The following CCNI2 variants were observed in gnomAD, a reference collection of about 807,000 sequenced individuals.
CCNI2 encodes the protein cyclin-I2.
In CCNI2, 32 loss-of-function variants were observed where a neutral mutation model predicts 33.2. The ratio of observed to expected loss-of-function variants is 0.96; its 90% CI spans 0.73 to 1.30. CCNI2 has a LOEUF of 1.30. CCNI2 is among the 50% of genes most tolerant of loss of function. CCNI2 has a pLI of 0.00. For synonymous variants in CCNI2, 231 were observed against 219.9 expected (o/e 1.05, Z -0.45); for missense variants, 452 against 486.2 (o/e 0.93, Z 0.66).
chr5:132,749,227 G>T, intron 2 of CCNI2, 121 bp from the exon 3 acceptor site: 2 of 761,802 alleles, frequency 2.6e-6, no homozygotes, highest in Non-Finnish European at 4.4e-6. Flanking sequence ...CTGCACTCCA[G>T]CCTGGGCAAC....
chr5:132,748,286 T>G (rs1754670479), intron 1 of CCNI2, 61 bp from the exon 2 acceptor site: 4 of 1,595,768 alleles, frequency 2.5e-6, no homozygotes, highest in Non-Finnish European at 3.4e-6. Flanking sequence ...CTCCTGCTGC[T>G]GGGGGACCAG....
At chr5:132,748,875 G>C (rs1754685397) in intron 2 of CCNI2, among the ~76,000 whole-genome samples, 1 of 152,202 alleles carries the variant, frequency 6.6e-6, no homozygotes, top group Admixed American at 6.5e-5. Flanking sequence ...GAAATCAGGA[G>C]CATCTTCGTT....
downstream of CCNI2, among the ~76,000 whole-genome samples, chr5:132,754,969 C>G (rs2149949789): frequency 6.6e-6 from 1 of 152,318 alleles, no homozygotes; most frequent in Middle Eastern, 3.4e-3. Flanking sequence ...ATAGACCTGT[C>G]TTAAACTTGT....
chr5:132,753,527 A>G lies in CCNI2; in HGVS notation c.*557A>G, dbSNP rs985792148. 6.5e-6 allele frequency: 1 copy of G among 154,120 alleles called. No homozygotes were observed. The highest frequency in any genetic ancestry group is 2.4e-5 in the African/African-American group (1 of 41,488). 9.5% of individuals were successfully genotyped at this position (154,120 alleles called of 1,614,324 possible). ...CAGATGCATTTACCCAACCATGGCT[A>G]TGACTTATGTCTTCCCTTTACAAGG... is the stretch of plus-strand genomic sequence containing the variant. On this transcript the variant is annotated 3_prime_UTR_variant, in exon 6 of 6. Coordinates refer to ENST00000378731, the MANE Select transcript of CCNI2 (RefSeq NM_001039780.4).
At position 132,748,447 on chromosome 5, in the gene CCNI2, T is replaced by A. The variant is rs750476771; in HGVS notation, c.530T>A (p.Ile177Asn). 6.2e-7 allele frequency: 1 copy of A among 1,614,156 alleles called. No homozygotes were observed. The highest frequency in any genetic ancestry group is 2.2e-5 in the East Asian group (1 of 44,868). ...SQSTFNLALTIFGRLLISVKV... is the reference protein window; with the variant it reads ...SQSTFNLALTNFGRLLISVKV... Reference sequence around the variant, plus strand: ...TCCACTTTTAACCTGGCCCTCACCATCTTTGGCCGCCTCCTGATTTCAGTG... The same window carrying A: ...TCCACTTTTAACCTGGCCCTCACCAACTTTGGCCGCCTCCTGATTTCAGTG... Residue 177 changes from isoleucine to asparagine, a missense_variant, in exon 2 of 6, where the codon ATC becomes AAC. Coordinates refer to ENST00000378731, the MANE Select transcript of CCNI2 (RefSeq NM_001039780.4).
Position 132,753,267 on chromosome 5 carries a change from T to C in CCNI2, c.*297T>C. ...TGAATGTTCAAATGGCAGCTTGTTT[T>C]ACCTTCCTTCTCCAGCAAGGGTTGG... On this transcript the variant is annotated 3_prime_UTR_variant, in exon 6 of 6. Coordinates refer to ENST00000378731, the MANE Select transcript of CCNI2 (RefSeq NM_001039780.4). 2.8e-6 allele frequency: 1 copy of C among 357,874 alleles called. No individual in the cohort carries two copies. The highest frequency in any genetic ancestry group is 3.9e-5 in the Admixed American group (1 of 25,758). The allele number at this position is 357,874 out of a possible 1,614,324, so 22.2% of individuals were successfully genotyped here.
At chr5:132,751,198 C>G in intron 4 of CCNI2, 2 of 493,708 alleles carry the variant, frequency 4.1e-6, no homozygotes, top group Non-Finnish European at 6.9e-6. Flanking sequence ...ACTCCCACTT[C>G]TAAAGGACAT....
chr5:132,755,027 T>C (rs1429872031), downstream of CCNI2, among the ~76,000 whole-genome samples: 1 of 152,070 alleles, frequency 6.6e-6, no homozygotes, highest in Non-Finnish European at 1.5e-5. Flanking sequence ...TTTGATGATG[T>C]TTCCACCACC....
At chr5:132,751,082 C>A in intron 4 of CCNI2, 85 bp downstream of exon 4, 1 of 1,492,086 alleles carries the variant, frequency 6.7e-7, no homozygotes. Context: ...TGGCAAAGCA[C>A]AGGCGTGCAC....
Position 132,753,127 on chromosome 5 carries a change from A to C in CCNI2, c.*157A>C. On this transcript the variant is annotated 3_prime_UTR_variant, in exon 6 of 6. Transcript: ENST00000378731. The stretch of plus-strand genomic sequence containing the variant: ...GTTCCCAACTGAGCCCTTGGAAAAA[A>C]AATAAAGGGGAGAGGGGAAAGGCAG... 1 of 635,748 alleles carries C rather than the reference A, an allele frequency of 1.6e-6. No homozygotes were observed. Among genetic ancestry groups the C allele is most frequent in the Non-Finnish European group, 2.7e-6 (1 of 363,796 alleles). The allele number at this position is 635,748 out of a possible 1,614,324, so 39.4% of individuals were successfully genotyped here. A position where few individuals can be genotyped will look rare whatever the true frequency, so the allele number is the denominator to read the frequency against.
chr5:132,752,229 G>A (rs754315732), intron 5 of CCNI2, 33 bp downstream of exon 5: 2 of 1,539,650 alleles, frequency 1.3e-6, no homozygotes, highest in Non-Finnish European at 1.8e-6. Flanking sequence ...ACCAGGCTCT[G>A]TGTTTTGCCC....
chr5:132,752,854 A>C lies in CCNI2; in HGVS notation c.1006-12A>C. On this transcript the variant is annotated splice_polypyrimidine_tract_variant and intron_variant, in intron 5 of 5. Transcript: ENST00000378731. Reference sequence around the variant, plus strand: ...GGTTCTGCTTGAAGATGGCCACTCTATTCTAATACAGGTTGGTGATATGCA... The same window carrying C: ...GGTTCTGCTTGAAGATGGCCACTCTCTTCTAATACAGGTTGGTGATATGCA... The C allele has an allele frequency of 1.2e-6, 2 of 1,610,300 alleles. No individual in the cohort carries two copies. Among genetic ancestry groups the C allele is most frequent in the Non-Finnish European group, 1.7e-6 (2 of 1,176,802 alleles).
downstream of CCNI2, among the ~76,000 whole-genome samples, chr5:132,755,523 G>A (rs114345043): frequency 5.0e-3 from 758 of 152,186 alleles, 3 homozygotes; most frequent in Non-Finnish European, 8.6e-3. Context: ...GTAACCTTGG[G>A]TAATTACTTA....
rs1469722611 is a variant in CCNI2 at position 132,750,895 on chromosome 5, C to T, written c.672C>T (p.Gly224=). ...TAAAAGACTTCACAAAGCACTATGGCTCTGACTATTCCCCGAATGAGCTGC... is the reference window on the plus strand; with the variant it reads ...TAAAAGACTTCACAAAGCACTATGGTTCTGACTATTCCCCGAATGAGCTGC... The part of the protein sequence containing the change: ...PQVKDFTKHY[G]SDYSPNELLR... The change falls in exon 4 of 6, where the codon GGC becomes GGT. Residue 224 remains glycine, a synonymous_variant. Coordinates refer to ENST00000378731, the MANE Select transcript of CCNI2 (RefSeq NM_001039780.4). 11 of 1,614,262 alleles carry T rather than the reference C, an allele frequency of 6.8e-6. No individual in the cohort carries two copies. Among genetic ancestry groups the T allele is most frequent in the Non-Finnish European group, 9.3e-6 (11 of 1,180,044 alleles).
At chr5:132,750,120 C>T (rs1289221682) in intron 3 of CCNI2, among the ~76,000 whole-genome samples, 1 of 152,196 alleles carries the variant, frequency 6.6e-6, no homozygotes, top group Non-Finnish European at 1.5e-5. Flanking sequence ...TGTCCAGTTC[C>T]AAACCTTCAA....
rs931692334 is a variant in CCNI2, at chr5:132,747,844, C to G, written c.349C>G (p.Leu117Val). Residue 117 changes from leucine (L) to valine (V), a missense_variant, in exon 1 of 6, where the codon CTG becomes GTG. By Grantham distance (32) the Leu-to-Val change is conservative (BLOSUM62 1). Coordinates refer to ENST00000378731, the MANE Select transcript of CCNI2 (RefSeq NM_001039780.4). This position sits in a 1 kb window ranked among gnomAD's most constrained non-coding sequence, Gnocchi z 4.1. ...SRKPRNLEGD[L>V]DERRLLCHLQ... is the part of the protein sequence containing the mutation. ...CAAGCCGCGCAACCTGGAAGGCGAC[C>G]TGGACGAGCGCCGGCTGCTCTGCCA... is the stretch of plus-strand genomic sequence containing the variant. 2.0e-6 allele frequency: 3 copies of G among 1,478,688 alleles called. No homozygotes were observed. 91.6% of individuals were successfully genotyped at this position (1,478,688 alleles called of 1,614,324 possible).
intron 2 of CCNI2, 55 bp from the exon 3 acceptor site, chr5:132,749,293 T>G: frequency 1.5e-6 from 2 of 1,371,230 alleles, no homozygotes; most frequent in Non-Finnish European, 2.1e-6. Context: ...CAGATGCTTT[T>G]CAGTTTGTTT....
intron 2 of CCNI2, among the ~76,000 whole-genome samples, chr5:132,748,848 C>T (rs564404209): frequency 5.9e-5 from 9 of 152,286 alleles, no homozygotes; most frequent in African/African-American, 2.2e-4. Context: ...GAATACTGCC[C>T]AGTCATCTGC....
At position 132,747,467 on chromosome 5, in the gene CCNI2, C is replaced by G. The variant is rs973640923; in HGVS notation, c.-29C>G. On this transcript the variant is annotated 5_prime_UTR_variant, in exon 1 of 6. Coordinates refer to ENST00000378731, the MANE Select transcript of CCNI2 (RefSeq NM_001039780.4). This position sits in a 1 kb window ranked among gnomAD's most constrained non-coding sequence, Gnocchi z 4.1. ...GGTTATAAAATGCCGGGTTAAGCGG[C>G]AACTCAGACTCAGGATCCCGCTCAC... 17 of 1,415,986 alleles carry G rather than the reference C, an allele frequency of 1.2e-5. No homozygotes were observed. The highest frequency in any genetic ancestry group is 3.0e-5 in the South Asian group (2 of 66,616). The allele number at this position is 1,415,986 out of a possible 1,614,324, so 87.7% of individuals were successfully genotyped here.
Sources: gnomAD v4.1 joint callset for allele counts (sites outside exome capture counted in the v4.1 genomes callset) on GRCh38, gnomAD v4.1.1 for gene constraint, Gnocchi (gnomAD v3.1) non-coding constraint, MANE v1.5 for transcripts, NCBI Gene and HGNC (gene_info 2026-07-23, HGNC 2026-07-21) for gene names.